Variants in ALK observed in about 807,000 individuals in gnomAD.
ALK encodes the protein ALK tyrosine kinase receptor.
A neutral mutation model predicts 163.1 loss-of-function variants in ALK; 74 were observed. The ratio of observed to expected loss-of-function variants is 0.45; its 90% CI spans 0.38 to 0.55. The LOEUF (loss-of-function observed/expected upper bound fraction) is 0.55. ALK is among the 20% of genes least tolerant of loss of function. The pLI is 0.00. For synonymous variants in ALK, 960 were observed against 843.2 expected, an observed-to-expected ratio of 1.14 and a Z score of -2.40; for missense variants, 2,063 against 2,105.3, an observed-to-expected ratio of 0.98 and a Z score of 0.39.
chr2:29,348,556 G>C (rs1229321979), intron 5 of ALK, among the ~76,000 whole-genome samples: 1 of 152,216 alleles, frequency 6.6e-6, no homozygotes, highest in South Asian at 2.1e-4. Context: ...GGCCATTTCA[G>C]TTAGCTAGTG....
chr2:29,441,619 A>G (rs978757606), intron 4 of ALK, among the ~76,000 whole-genome samples: 1 of 152,208 alleles, frequency 6.6e-6, no homozygotes. Flanking sequence ...AATAACCAGC[A>G]TGATTGTAGC....
chr2:29,774,439 T>C (rs1462150448), intron 1 of ALK, among the ~76,000 whole-genome samples: 3 of 152,200 alleles, frequency 2.0e-5, no homozygotes, highest in Non-Finnish European at 2.9e-5. Flanking sequence ...CCTATTGCCA[T>C]ACCATGTTAC....
chr2:29,559,414 TTCTGCATCACTGACAA>T (rs1311837788), intron 3 of ALK, among the ~76,000 whole-genome samples: 1 of 152,222 alleles, frequency 6.6e-6, no homozygotes, highest in Non-Finnish European at 1.5e-5. Flanking sequence ...ATGGGCTGAA[TTCTGCATCACTGACAA>T]ATAATAGAGA....
intron 3 of ALK, among the ~76,000 whole-genome samples, chr2:29,564,031 T>C (rs1161523641): frequency 6.6e-6 from 1 of 151,838 alleles, no homozygotes; most frequent in Non-Finnish European, 1.5e-5. Flanking sequence ...TTTAAGGTGG[T>C]TCTTTAGGAC....
chr2:29,740,711 G>A (rs148530330), intron 1 of ALK, among the ~76,000 whole-genome samples: 2 of 152,256 alleles, frequency 1.3e-5, no homozygotes, highest in East Asian at 3.9e-4. Context: ...CAAAAGAAAT[G>A]TGCTATTAGG....
intron 4 of ALK, among the ~76,000 whole-genome samples, chr2:29,454,289 G>A (rs761884162): frequency 1.5e-4 from 23 of 152,180 alleles, no homozygotes; most frequent in Non-Finnish European, 2.5e-4. Flanking sequence ...GAATGCTCAA[G>A]TCTTTTATAT....
intron 1 of ALK, among the ~76,000 whole-genome samples, chr2:29,787,076 T>C (rs185306843): frequency 2.3e-3 from 347 of 152,142 alleles, no homozygotes; most frequent in African/African-American, 7.9e-3. Context: ...ATTACAGGCA[T>C]GAGCCACCAT....
intron 3 of ALK, among the ~76,000 whole-genome samples, chr2:29,624,717 G>A (rs972749681): frequency 6.6e-6 from 1 of 152,206 alleles, no homozygotes; most frequent in Admixed American, 6.5e-5. Context: ...TAATAAACCT[G>A]CACGTACTGC....
intron 3 of ALK, among the ~76,000 whole-genome samples, chr2:29,600,480 T>A (rs1002889118): frequency 6.6e-6 from 1 of 152,208 alleles, no homozygotes; most frequent in African/African-American, 2.4e-5. Context: ...AGACATTAAA[T>A]CATAGTTTAT....
chr2:29,278,675 A>T (rs1313575740), intron 9 of ALK, among the ~76,000 whole-genome samples: 3 of 152,212 alleles, frequency 2.0e-5, no homozygotes, highest in African/African-American at 7.2e-5. Flanking sequence ...AAGCAGGTGC[A>T]ACCCTTAGGA....
intron 4 of ALK, among the ~76,000 whole-genome samples, chr2:29,418,859 C>T (rs1669946352): frequency 6.8e-6 from 1 of 147,072 alleles, no homozygotes; most frequent in Admixed American, 6.7e-5. Context: ...AGAATTAATA[C>T]ATTAATTTGT....
rs1475413788 is a variant in ALK at position 29,239,746 on chromosome 2, G to A, written c.2289C>T (p.Phe763=). Reference sequence around the variant, plus strand: ...ACAGCATGTCATCCTTCTCCAGGTTGAAGATGCCCAGCACAGACACGCCGT... The same window carrying A: ...ACAGCATGTCATCCTTCTCCAGGTTAAAGATGCCCAGCACAGACACGCCGT... The part of the protein sequence containing the change: ...RSHGVSVLGI[F]NLEKDDMLYI... Residue 763 remains phenylalanine, a synonymous_variant, in exon 13 of 29, where the codon TTC becomes TTT. Transcript: ENST00000389048. The A allele has an allele frequency of 1.9e-6, 3 of 1,614,092 alleles. No individual in the cohort carries two copies. The highest frequency in any genetic ancestry group is 2.5e-6 in the Non-Finnish European group (3 of 1,180,044).
intron 4 of ALK, among the ~76,000 whole-genome samples, chr2:29,420,994 A>G (rs995158230): frequency 1.3e-5 from 2 of 151,596 alleles, no homozygotes; most frequent in African/African-American, 2.4e-5. Flanking sequence ...AGCAATGGCC[A>G]GGAGCTACTG....
chr2:29,785,515 G>A (rs1206560239), intron 1 of ALK, among the ~76,000 whole-genome samples: 1 of 152,172 alleles, frequency 6.6e-6, no homozygotes, highest in East Asian at 1.9e-4. Flanking sequence ...TCTGAAAGAT[G>A]ATTCGATTTA....
intron 11 of ALK, among the ~76,000 whole-genome samples, chr2:29,274,137 G>A (rs930104874): frequency 2.0e-5 from 3 of 152,160 alleles, no homozygotes; most frequent in African/African-American, 7.2e-5. Context: ...CTTTTCATGG[G>A]ACAGAAAGGA....
At chr2:29,276,649 G>C (rs907640399) in intron 9 of ALK, among the ~76,000 whole-genome samples, 7 of 152,140 alleles carry the variant, frequency 4.6e-5, no homozygotes, top group African/African-American at 1.7e-4. Flanking sequence ...GCCAGTCAAT[G>C]GTCAAAAATG....
chr2:29,514,586 G>A (rs1013191978), intron 4 of ALK, among the ~76,000 whole-genome samples: 4 of 152,164 alleles, frequency 2.6e-5, no homozygotes, highest in South Asian at 2.1e-4. Context: ...GTCCACATGC[G>A]TTTCCTCTTG....
chr2:29,365,633 T>C (rs1183113554), intron 5 of ALK, among the ~76,000 whole-genome samples: 1 of 152,210 alleles, frequency 6.6e-6, no homozygotes, highest in African/African-American at 2.4e-5. Flanking sequence ...GGTGTAAAAC[T>C]AAAGGATTTA....
intron 4 of ALK, among the ~76,000 whole-genome samples, chr2:29,397,887 G>A (rs1039346159): frequency 3.3e-5 from 5 of 152,200 alleles, no homozygotes; most frequent in African/African-American, 9.7e-5. Context: ...GGAAACTAAT[G>A]GAATTTGGAA....
Sources: allele counts gnomAD v4.1 joint callset (sites outside exome capture counted in the v4.1 genomes callset), GRCh38; gene constraint gnomAD v4.1.1; transcripts MANE v1.5; gene names NCBI Gene and HGNC (gene_info 2026-07-23, HGNC 2026-07-21).